PRKCA: variants seen among roughly 807,000 people sequenced by gnomAD.
PRKCA encodes the protein protein kinase C alpha.
A neutral mutation model predicts 87.0 loss-of-function variants in PRKCA; 27 were observed. That is an observed-to-expected ratio of 0.31 (90% CI 0.23 to 0.43). PRKCA has a LOEUF of 0.43. Among genes scored for constraint, PRKCA ranks in the 20% least tolerant of loss-of-function variants. The pLI is 1.00. For missense variants in PRKCA, 518 were observed against 852.3 expected (o/e 0.61, Z 4.88); for synonymous variants, 329 against 311.1 (o/e 1.06, Z -0.61).
At position 66,453,514 on chromosome 17, in the gene PRKCA, C is replaced by T. The variant is rs146271828; in HGVS notation, c.206-42687C>T. Reference sequence around the variant, plus strand: ...TTGTGTTTTCAGTAGAAACGTGTTTCGCCATGTTGACCAGGCTGGTCTCGA... The same window carrying T: ...TTGTGTTTTCAGTAGAAACGTGTTTTGCCATGTTGACCAGGCTGGTCTCGA... On this transcript the variant is annotated intron_variant, in intron 2 of 16. Transcript: ENST00000413366. Among the ~76,000 whole-genome samples, 805 of 152,068 alleles carry T rather than the reference C, an allele frequency of 5.3e-3. 6 individuals carry two copies. Among genetic ancestry groups the T allele is most frequent in the African/African-American group, 0.018 (747 of 41,488 alleles).
intron 3 of PRKCA, among the ~76,000 whole-genome samples, chr17:66,605,537 A>G (rs542117069): frequency 4.6e-5 from 7 of 152,236 alleles, no homozygotes; most frequent in Non-Finnish European, 1.0e-4. Flanking sequence ...TTGGAAGAGT[A>G]TTTGGCAGTC....
intron 8 of PRKCA, among the ~76,000 whole-genome samples, chr17:66,715,278 A>C (rs1033711515): frequency 1.5e-4 from 22 of 151,568 alleles, no homozygotes; most frequent in Non-Finnish European, 2.1e-4. Flanking sequence ...GTTTTTTGTT[A>C]CTGTTTTTTA....
At chr17:66,614,894 A>G (rs940314928) in intron 3 of PRKCA, among the ~76,000 whole-genome samples, 16 of 152,168 alleles carry the variant, frequency 1.1e-4, no homozygotes, top group Non-Finnish European at 2.1e-4. Context: ...AGCTGTATAC[A>G]GTACAAAAAT....
chr17:66,322,163 C>T (rs576942849), intron 2 of PRKCA, among the ~76,000 whole-genome samples: 1 of 152,172 alleles, frequency 6.6e-6, no homozygotes, highest in South Asian at 2.1e-4. Context: ...AATGGAAGGC[C>T]AAAGATCTTA....
intron 3 of PRKCA, among the ~76,000 whole-genome samples, chr17:66,561,205 A>G (rs1968669622): frequency 6.6e-6 from 1 of 152,360 alleles, no homozygotes; most frequent in East Asian, 1.9e-4. Context: ...GATCGCTTTC[A>G]CATGCTTTTT....
In PRKCA at chr17:66,592,343, C is replaced by CAAAAAAAAAAAAAAAAA. The variant is rs71160581; in HGVS notation, c.289-49010_289-48994dup. On this transcript the variant is annotated intron_variant, in intron 3 of 16. Transcript: ENST00000413366. Reference sequence around the variant, plus strand: ...GCACTCCAGTCTGGGTGATCCGTCTCAAAAAAAAAAAAAAAAAAGTTACCA... The same window carrying CAAAAAAAAAAAAAAAAA: ...GCACTCCAGTCTGGGTGATCCGTCTCAAAAAAAAAAAAAAAAAAAAAAAAAAAAAAAAAAAGTTACCA... Among the ~76,000 whole-genome samples the CAAAAAAAAAAAAAAAAA allele has an allele frequency of 2.8e-3, 234 of 82,336 alleles. 38 individuals are homozygous for CAAAAAAAAAAAAAAAAA. Among genetic ancestry groups the CAAAAAAAAAAAAAAAAA allele is most frequent in the African/African-American group, 0.012 (205 of 17,134 alleles). 54.0% of individuals were successfully genotyped at this position (82,336 alleles called of 152,430 possible). A position where few individuals can be genotyped will look rare whatever the true frequency, so the allele number is the denominator to read the frequency against.
At chr17:66,755,807 C>T (rs111788519) in intron 13 of PRKCA, among the ~76,000 whole-genome samples, 43 of 152,164 alleles carry the variant, frequency 2.8e-4, no homozygotes, top group African/African-American at 9.9e-4. Context: ...GCGCCTCCCA[C>T]GTGGGAGACC....
intron 3 of PRKCA, 114 bp from the exon 4 acceptor site, chr17:66,641,241 G>C: frequency 3.0e-6 from 2 of 660,106 alleles, no homozygotes; most frequent in Non-Finnish European, 5.5e-6. Context: ...TGCACAGTCT[G>C]GTGTTATCGA....
intron 8 of PRKCA, among the ~76,000 whole-genome samples, chr17:66,726,817 T>C (rs1481186677): frequency 1.3e-5 from 2 of 151,812 alleles, no homozygotes; most frequent in African/African-American, 4.8e-5. Flanking sequence ...CTTCGCCTCC[T>C]GGGTTTAAGC....
At chr17:66,649,697 A>G (rs993314361) in intron 5 of PRKCA, among the ~76,000 whole-genome samples, 1 of 152,232 alleles carries the variant, frequency 6.6e-6, no homozygotes, top group Non-Finnish European at 1.5e-5. Flanking sequence ...ACCCACAATC[A>G]GCACCCCACA....
chr17:66,529,700 C>T (rs75302009), intron 3 of PRKCA, among the ~76,000 whole-genome samples: 2 of 152,198 alleles, frequency 1.3e-5, no homozygotes, highest in Admixed American at 6.5e-5. Flanking sequence ...AGCAACAAAA[C>T]GAAGATCATT....
At chr17:66,509,478 A>G (rs1917130335) in intron 3 of PRKCA, among the ~76,000 whole-genome samples, 1 of 152,168 alleles carries the variant, frequency 6.6e-6, no homozygotes, top group Non-Finnish European at 1.5e-5. Flanking sequence ...CCAAATCTCA[A>G]GGCCTTCAGG....
chr17:66,631,815 A>G (rs924669855), intron 3 of PRKCA, among the ~76,000 whole-genome samples: 1 of 152,210 alleles, frequency 6.6e-6, no homozygotes, highest in African/African-American at 2.4e-5. Flanking sequence ...TACCCCGTAA[A>G]TATATACACC....
At chr17:66,542,278 G>T (rs1968011682) in intron 3 of PRKCA, among the ~76,000 whole-genome samples, 1 of 152,032 alleles carries the variant, frequency 6.6e-6, no homozygotes, top group Non-Finnish European at 1.5e-5. Flanking sequence ...CAATTAATTT[G>T]TATGTGCACA....
intron 14 of PRKCA, chr17:66,774,845 C>A: frequency 2.0e-6 from 2 of 985,270 alleles, no homozygotes; most frequent in Non-Finnish European, 2.4e-6. Context: ...CTTGGCAATT[C>A]GTTGTAATTT....
At chr17:66,328,318 C>G (rs1330377618) in intron 2 of PRKCA, among the ~76,000 whole-genome samples, 1 of 152,104 alleles carries the variant, frequency 6.6e-6, no homozygotes, top group Admixed American at 6.5e-5. Flanking sequence ...CTATGATCCT[C>G]CTACCTTGGC....
Position 66,613,845 on chromosome 17 carries a change from C to T in PRKCA, c.289-27510C>T, listed in dbSNP as rs576393761. On this transcript the variant is annotated intron_variant, in intron 3 of 16. Coordinates refer to ENST00000413366, the MANE Select transcript of PRKCA (RefSeq NM_002737.3). ...CTCTGTCACCCAAGCTGTAGTGGCA[C>T]GATCTCTGCTCACTGTAACCTTCAC... Among the ~76,000 whole-genome samples, 204 of 128,530 alleles carry T rather than the reference C, an allele frequency of 1.6e-3. 1 individual carries two copies. The highest frequency in any genetic ancestry group is 5.5e-3 in the African/African-American group (189 of 34,290). 84.3% of individuals were successfully genotyped at this position (128,530 alleles called of 152,430 possible).
chr17:66,716,755 G>A (rs942646093), intron 8 of PRKCA, among the ~76,000 whole-genome samples: 17 of 152,190 alleles, frequency 1.1e-4, no homozygotes, highest in African/African-American at 3.9e-4. Context: ...CAAGCACTTC[G>A]CAGTTTCCAC....
At chr17:66,791,141 C>A (rs1975524649) in intron 16 of PRKCA, among the ~76,000 whole-genome samples, 1 of 125,228 alleles carries the variant, frequency 8.0e-6, no homozygotes, top group Non-Finnish European at 1.6e-5. Flanking sequence ...AATGCTGTCC[C>A]TCCCCCCTCC....
Sources: gnomAD v4.1 joint callset for allele counts (sites outside exome capture counted in the v4.1 genomes callset) on GRCh38, gnomAD v4.1.1 for gene constraint, MANE v1.5 for transcripts, NCBI Gene and HGNC (gene_info 2026-07-23, HGNC 2026-07-21) for gene names.